The following NSMCE2 variants were observed in gnomAD, a reference collection of about 807,000 sequenced individuals.
The protein encoded by NSMCE2 is NSE2 SUMO ligase component of SMC5/6 complex, also known as E3 SUMO-protein ligase NSE2.
NSMCE2 carries 24 observed loss-of-function variants against 23.8 expected under a neutral mutation model. That is an observed-to-expected ratio of 1.01 (90% confidence interval 0.73 to 1.42). The LOEUF (loss-of-function observed/expected upper bound fraction) is 1.42. NSMCE2 is among the 40% of genes most tolerant of loss of function. NSMCE2 has a pLI of 0.00. For synonymous variants in NSMCE2, 92 were observed against 94.1 expected (o/e 0.98, Z 0.13); for missense variants, 284 against 296.5 (o/e 0.96, Z 0.31).
intron 3 of NSMCE2, among the ~76,000 whole-genome samples, chr8:125,135,297 C>T (rs948659594): frequency 1.3e-5 from 2 of 152,140 alleles, no homozygotes; most frequent in Non-Finnish European, 2.9e-5. Context: ...GTGATCCTCC[C>T]ACCTCAACTT....
intron 5 of NSMCE2, among the ~76,000 whole-genome samples, chr8:125,229,778 G>A (rs1287011593): frequency 6.6e-6 from 1 of 151,918 alleles, no homozygotes; most frequent in African/African-American, 2.4e-5. Flanking sequence ...GATTGTTTTA[G>A]TGTTTTATTA....
At chr8:125,176,621 A>G (rs1351624971) in intron 4 of NSMCE2, among the ~76,000 whole-genome samples, 1 of 152,248 alleles carries the variant, frequency 6.6e-6, no homozygotes, top group Non-Finnish European at 1.5e-5. Context: ...GTATAGATAG[A>G]TAATAATAGT....
intron 1 of NSMCE2, among the ~76,000 whole-genome samples, chr8:125,093,921 C>T (rs3763593): frequency 0.064 from 9,754 of 151,960 alleles, 431 homozygotes; most frequent in Middle Eastern, 0.27. Context: ...CTCAGCCTTC[C>T]GAGGGTCTAG....
chr8:125,330,616 G>T (rs527786343), intron 5 of NSMCE2, among the ~76,000 whole-genome samples: 1 of 152,082 alleles, frequency 6.6e-6, no homozygotes, highest in African/African-American at 2.4e-5. Context: ...AAATAAGCTC[G>T]CACCTGGGCA....
intron 5 of NSMCE2, among the ~76,000 whole-genome samples, chr8:125,248,652 C>CA (rs943920076): frequency 3.8e-4 from 55 of 144,190 alleles, no homozygotes; most frequent in Middle Eastern, 3.6e-3. Context: ...GACTCCATCT[C>CA]AAAAAAAAAA....
intron 3 of NSMCE2, among the ~76,000 whole-genome samples, chr8:125,104,476 A>G (rs1456320818): frequency 6.6e-6 from 1 of 152,024 alleles, no homozygotes; most frequent in African/African-American, 2.4e-5. Flanking sequence ...GATTGCCCCG[A>G]GGGTTCAGTG....
At chr8:125,161,479 G>T (rs946579847) in intron 4 of NSMCE2, among the ~76,000 whole-genome samples, 6 of 152,060 alleles carry the variant, frequency 3.9e-5, no homozygotes, top group Admixed American at 2.6e-4. Context: ...TATTCAGAAA[G>T]ATCAAGTCAG....
At chr8:125,361,120 C>T (rs1813531956) in intron 7 of NSMCE2, among the ~76,000 whole-genome samples, 1 of 138,052 alleles carries the variant, frequency 7.2e-6, no homozygotes, top group Non-Finnish European at 1.5e-5. Context: ...GAGACAGAGT[C>T]TCACTCTGTC....
intron 5 of NSMCE2, among the ~76,000 whole-genome samples, chr8:125,284,191 A>G (rs1362108672): frequency 9.7e-6 from 1 of 102,572 alleles, no homozygotes; most frequent in East Asian, 2.8e-4. Flanking sequence ...GTAAACATTT[A>G]GAGAGTAAAA....
At chr8:125,360,695 A>G (rs1415424273) in intron 7 of NSMCE2, among the ~76,000 whole-genome samples, 2 of 152,072 alleles carry the variant, frequency 1.3e-5, no homozygotes, top group African/African-American at 4.8e-5. Flanking sequence ...CTTGAAACCA[A>G]CTCCAGAAGT....
rs141435797 is a variant in NSMCE2, at chr8:125,364,087, G to C, written c.627-2681G>C. 5.2e-3 allele frequency among the ~76,000 whole-genome samples: 785 copies of C among 152,200 alleles called. 6 individuals are homozygous for C. Among genetic ancestry groups the C allele is most frequent in the Non-Finnish European group, 7.6e-3 (519 of 68,024 alleles). On this transcript the variant is annotated intron_variant, in intron 7 of 7. Transcript: ENST00000287437. ...GCCTCACGAGTAGCTGGGATTACAG[G>C]CATGCGCCACCACGCCTGGCTAATT...
At chr8:125,187,699 A>G (rs1414633155) in intron 5 of NSMCE2, among the ~76,000 whole-genome samples, 1 of 152,158 alleles carries the variant, frequency 6.6e-6, no homozygotes, top group Non-Finnish European at 1.5e-5. Context: ...GCAGTTGTCA[A>G]AGCCCTTATG....
chr8:125,161,838 T>A (rs1286874298), intron 4 of NSMCE2, among the ~76,000 whole-genome samples: 1 of 151,612 alleles, frequency 6.6e-6, no homozygotes, highest in Non-Finnish European at 1.5e-5. Flanking sequence ...TAGTAGAATA[T>A]GATTGCACCA....
At chr8:125,324,667 C>T (rs189074270) in intron 5 of NSMCE2, among the ~76,000 whole-genome samples, 16,342 of 65,064 alleles carry the variant, frequency 0.25, 5,105 homozygotes, top group Non-Finnish European at 0.45. Context: ...CTCCGCCTCC[C>T]GGGTTCACGC....
intron 5 of NSMCE2, among the ~76,000 whole-genome samples, chr8:125,235,245 A>T (rs1341490392): frequency 9.7e-6 from 1 of 103,112 alleles, no homozygotes; most frequent in Non-Finnish European, 1.8e-5. Context: ...CATCTCAATT[A>T]AAAAAAAAAA....
At chr8:125,246,659 A>T (rs190255758) in intron 5 of NSMCE2, among the ~76,000 whole-genome samples, 264 of 152,314 alleles carry the variant, frequency 1.7e-3, no homozygotes, top group African/African-American at 5.9e-3. Context: ...ATGTTATCTA[A>T]TCTATTTCAA....
intron 5 of NSMCE2, among the ~76,000 whole-genome samples, chr8:125,307,991 T>C (rs757360415): frequency 2.2e-4 from 34 of 152,178 alleles, no homozygotes; most frequent in Non-Finnish European, 2.1e-4. Context: ...CTGCCAAATC[T>C]GACAACACTG....
intron 5 of NSMCE2, among the ~76,000 whole-genome samples, chr8:125,223,656 A>G (rs1586635037): frequency 6.6e-6 from 1 of 152,198 alleles, no homozygotes; most frequent in East Asian, 1.9e-4. Context: ...TCTTTTTGCT[A>G]ATAGCCATTC....
chr8:125,255,847 G>A (rs1224835842), intron 5 of NSMCE2, among the ~76,000 whole-genome samples: 1 of 152,184 alleles, frequency 6.6e-6, no homozygotes, highest in Non-Finnish European at 1.5e-5. Context: ...GAATTCTGAA[G>A]CATGAAGACC....
Sources: gnomAD v4.1 joint callset for allele counts (sites outside exome capture counted in the v4.1 genomes callset) on GRCh38, gnomAD v4.1.1 for gene constraint, MANE v1.5 for transcripts, NCBI Gene and HGNC (gene_info 2026-07-23, HGNC 2026-07-21) for gene names.